The following CNBD1 variants were observed in gnomAD, a reference collection of about 807,000 sequenced individuals.
CNBD1 encodes the protein cyclic nucleotide-binding domain-containing protein 1.
Under a neutral mutation model 54.4 loss-of-function variants are expected in CNBD1, and 71 were observed. That is an observed-to-expected ratio of 1.30 (90% CI 1.08 to 1.59). The LOEUF (loss-of-function observed/expected upper bound fraction) is 1.59. Ranked by LOEUF, CNBD1 falls within the 40% of genes most tolerant of loss-of-function variation. CNBD1 has a pLI of 0.00. For missense variants in CNBD1, 659 were observed against 518.0 expected, an observed-to-expected ratio of 1.27 and a Z score of -2.64; for synonymous variants, 182 against 170.7, an observed-to-expected ratio of 1.07 and a Z score of -0.51.
At chr8:87,316,857 C>G (rs1689105680) in intron 8 of CNBD1, among the ~76,000 whole-genome samples, 1 of 151,422 alleles carries the variant, frequency 6.6e-6, no homozygotes, top group South Asian at 2.1e-4. Context: ...TATTTATATA[C>G]AAGTATTAAT....
chr8:87,020,623 A>G (rs1401288839), intron 4 of CNBD1, among the ~76,000 whole-genome samples: 5 of 152,172 alleles, frequency 3.3e-5, no homozygotes, highest in Non-Finnish European at 5.9e-5. Flanking sequence ...AACCCTATAT[A>G]TTGTGACTTA....
chr8:86,909,685 A>T (rs530478832), intron 3 of CNBD1, among the ~76,000 whole-genome samples: 1 of 152,294 alleles, frequency 6.6e-6, no homozygotes, highest in Admixed American at 6.5e-5. Flanking sequence ...TTGAACATTT[A>T]CTCAAATTTA....
intron 8 of CNBD1, among the ~76,000 whole-genome samples, chr8:87,295,260 T>A (rs1296019744): frequency 3.3e-5 from 5 of 151,876 alleles, no homozygotes; most frequent in Non-Finnish European, 2.9e-5. Context: ...CAATCAGTTT[T>A]GACTTTGACA....
Position 87,095,951 on chromosome 8 carries a change from C to A in CNBD1, c.432-110042C>A, listed in dbSNP as rs555074651. Among the ~76,000 whole-genome samples the A allele has an allele frequency of 2.6e-5, 4 of 152,350 alleles. No homozygotes were observed. In the South Asian group the frequency reaches 8.3e-4, roughly 32 times the overall value. ...GGGATTACAGGCATGAGCCACAACGCCCGGCCCTGTTATTGTCTTTAAAAT... is the reference window on the plus strand; with the variant it reads ...GGGATTACAGGCATGAGCCACAACGACCGGCCCTGTTATTGTCTTTAAAAT... On this transcript the variant is annotated intron_variant, in intron 4 of 10. Transcript: ENST00000518476.
chr8:87,119,141 G>T (rs149864303), intron 4 of CNBD1, among the ~76,000 whole-genome samples: 1 of 151,732 alleles, frequency 6.6e-6, no homozygotes, highest in East Asian at 1.9e-4. Context: ...AAATGACAGC[G>T]GTATTTTGAT....
intron 4 of CNBD1, among the ~76,000 whole-genome samples, chr8:87,178,401 A>G (rs1488381758): frequency 1.3e-5 from 2 of 152,226 alleles, no homozygotes; most frequent in African/African-American, 2.4e-5. Flanking sequence ...TGGAGAAAGA[A>G]TATTTGAAGC....
At chr8:86,997,448 CTTTGA>C (rs1808898983) in intron 4 of CNBD1, among the ~76,000 whole-genome samples, 1 of 152,086 alleles carries the variant, frequency 6.6e-6, no homozygotes, top group Non-Finnish European at 1.5e-5. Flanking sequence ...ATTCACAATC[CTTTGA>C]TTTGGTATTT....
intron 4 of CNBD1, among the ~76,000 whole-genome samples, chr8:87,083,585 CTTTTTTT>C (rs752855766): frequency 3.4e-5 from 4 of 117,160 alleles, no homozygotes; most frequent in Admixed American, 8.8e-5. Context: ...CAATGTATTT[CTTTTTTT>C]TTTTTTTTTT....
At chr8:87,017,674 C>A (rs1441465626) in intron 4 of CNBD1, among the ~76,000 whole-genome samples, 1 of 152,030 alleles carries the variant, frequency 6.6e-6, no homozygotes, top group Non-Finnish European at 1.5e-5. Flanking sequence ...AATGGCATTT[C>A]CAAGGTAAAC....
chr8:87,252,611 C>G, intron 6 of CNBD1, among the ~76,000 whole-genome samples: 1 of 152,030 alleles, frequency 6.6e-6, no homozygotes, highest in East Asian at 1.9e-4. Flanking sequence ...ATGAATGCAA[C>G]CTTGATCCTG....
intron 4 of CNBD1, among the ~76,000 whole-genome samples, chr8:87,121,842 A>G (rs895352463): frequency 6.6e-6 from 1 of 151,700 alleles, no homozygotes; most frequent in African/African-American, 2.4e-5. Flanking sequence ...CACAAATAAC[A>G]GGGGACCCCC....
chr8:87,244,527 C>T (rs1278634137), intron 6 of CNBD1, among the ~76,000 whole-genome samples: 1 of 152,088 alleles, frequency 6.6e-6, no homozygotes, highest in Non-Finnish European at 1.5e-5. Context: ...CAATATCGTC[C>T]TCCTTGCTTA....
chr8:87,236,964 G>C lies in CNBD1; in HGVS notation c.623G>C (p.Arg208Pro), dbSNP rs182811386. 970 of 1,611,314 alleles carry C rather than the reference G, an allele frequency of 6.0e-4. 4 individuals carry two copies. In the Admixed American group the frequency reaches 0.012, roughly 20 times the overall value. The change falls in exon 6 of 11, where the codon CGA (arginine) becomes CCA (proline). Residue 208 changes from arginine (R) to proline (P), a missense_variant. By Grantham distance (103) the Arg-to-Pro change is moderately radical (BLOSUM62 -2). Transcript: ENST00000518476. ...TATGTAATACTGAAAGGCCTAGCTC[G>C]ACCTCAAACAAACGTGTATAAAAAT... ...GFYVILKGLARPQTNVYKNLI... is the reference protein window; with the variant it reads ...GFYVILKGLAPPQTNVYKNLI...
intron 4 of CNBD1, among the ~76,000 whole-genome samples, chr8:87,180,483 A>G (rs1240161512): frequency 6.6e-6 from 1 of 152,216 alleles, no homozygotes; most frequent in African/African-American, 2.4e-5. Flanking sequence ...ATAAAACAAT[A>G]TATCATGGCA....
chr8:87,262,015 G>A (rs547138447), intron 6 of CNBD1, among the ~76,000 whole-genome samples: 112 of 151,642 alleles, frequency 7.4e-4, no homozygotes, highest in African/African-American at 2.5e-3. Context: ...TTAGCCTGAC[G>A]TGGTGGTGCA....
chr8:87,005,638 T>A (rs979544380), intron 4 of CNBD1, among the ~76,000 whole-genome samples: 2 of 151,974 alleles, frequency 1.3e-5, no homozygotes, highest in African/African-American at 4.8e-5. Flanking sequence ...TGAAAAATTG[T>A]GCCAGACATG....
intron 2 of CNBD1, among the ~76,000 whole-genome samples, chr8:87,411,503 T>G (rs568955993): frequency 6.7e-5 from 10 of 149,066 alleles, no homozygotes; most frequent in African/African-American, 2.4e-4. Context: ...AGTTGTTGAT[T>G]CATATCCAAC....
chr8:87,173,664 A>AT (rs3056350), intron 4 of CNBD1, among the ~76,000 whole-genome samples: 42,446 of 147,150 alleles, frequency 0.29, 6,807 homozygotes, highest in African/African-American at 0.43. Flanking sequence ...ATTATATGTT[A>AT]TTTTTTTTTT....
chr8:87,387,540 C>T (rs1048665198), downstream of CNBD1, among the ~76,000 whole-genome samples: 2 of 152,102 alleles, frequency 1.3e-5, no homozygotes, highest in Non-Finnish European at 2.9e-5. Context: ...GGGATCAATT[C>T]AACAAGAAGA....
Sources: allele counts gnomAD v4.1 joint callset (sites outside exome capture counted in the v4.1 genomes callset), GRCh38; gene constraint gnomAD v4.1.1; transcripts MANE v1.5; gene names NCBI Gene and HGNC (gene_info 2026-07-23, HGNC 2026-07-21).